The following SPAG6 variants were observed in gnomAD, a reference collection of about 807,000 sequenced individuals.
SPAG6 encodes sperm-associated antigen 6.
In SPAG6, 49 loss-of-function variants were observed where a neutral mutation model predicts 58.5. The ratio of observed to expected loss-of-function variants is 0.84; its 90% CI spans 0.67 to 1.06. The LOEUF (loss-of-function observed/expected upper bound fraction) is 1.06, where lower values mean the gene tolerates loss of function less well. Ranked by LOEUF, SPAG6 falls within the 50% of genes least tolerant of loss-of-function variation. SPAG6 has a pLI of 0.00. For synonymous variants in SPAG6, 233 were observed against 225.6 expected (o/e 1.03, Z -0.29); for missense variants, 560 against 611.3 (o/e 0.92, Z 0.89).
At chr10:22,374,409 C>T (rs896816728) in intron 4 of SPAG6, among the ~76,000 whole-genome samples, 4 of 151,982 alleles carry the variant, frequency 2.6e-5, no homozygotes, top group Non-Finnish European at 2.9e-5. Context: ...AACACTGACA[C>T]AATGTACAAT....
chr10:22,382,980 G>C (rs1047257802), intron 4 of SPAG6, among the ~76,000 whole-genome samples: 1 of 152,132 alleles, frequency 6.6e-6, no homozygotes, highest in East Asian at 1.9e-4. Context: ...TTAGACATAG[G>C]TATAACCAGT....
At chr10:22,384,142 T>C (rs768804302) in intron 4 of SPAG6, among the ~76,000 whole-genome samples, 7 of 152,206 alleles carry the variant, frequency 4.6e-5, no homozygotes, top group Admixed American at 1.3e-4. Context: ...TACTCAGCCA[T>C]CCTCAGCATA....
intron 4 of SPAG6, among the ~76,000 whole-genome samples, chr10:22,375,629 A>G (rs1041569862): frequency 5.8e-5 from 8 of 137,400 alleles, no homozygotes; most frequent in Admixed American, 5.6e-4. Flanking sequence ...CTCGTTGCCC[A>G]TGTTGGAGTG....
intron 4 of SPAG6, among the ~76,000 whole-genome samples, chr10:22,369,783 A>G (rs1057186331): frequency 2.0e-5 from 3 of 152,238 alleles, no homozygotes; most frequent in Admixed American, 1.3e-4. Context: ...GTAACATATT[A>G]GTATTAATAA....
At chr10:22,390,681 T>G (rs1834165066) in intron 7 of SPAG6, among the ~76,000 whole-genome samples, 1 of 152,212 alleles carries the variant, frequency 6.6e-6, no homozygotes, top group African/African-American at 2.4e-5. Flanking sequence ...CTCCTGTTTC[T>G]TCAGTCTTGT....
intron 2 of SPAG6, among the ~76,000 whole-genome samples, chr10:22,353,017 C>T (rs1181431708): frequency 2.6e-5 from 4 of 152,190 alleles, no homozygotes; most frequent in African/African-American, 9.7e-5. Context: ...ATCAGTTCTC[C>T]TTCCCACTAC....
intron 8 of SPAG6, among the ~76,000 whole-genome samples, chr10:22,398,914 G>T (rs1834352326): frequency 6.6e-6 from 1 of 152,074 alleles, no homozygotes; most frequent in African/African-American, 2.4e-5. Flanking sequence ...CGCCTCCTGG[G>T]TTCAAGCGAT....
At chr10:22,373,225 G>A (rs943955492) in intron 4 of SPAG6, among the ~76,000 whole-genome samples, 28 of 152,112 alleles carry the variant, frequency 1.8e-4, no homozygotes, top group African/African-American at 5.8e-4. Flanking sequence ...TGGACGTGAC[G>A]GAAACATTGA....
rs1156609092 is a variant in SPAG6, at chr10:22,345,498, A to T, written c.-114A>T. 1 of 880,516 alleles carries T rather than the reference A, an allele frequency of 1.1e-6. No individual in the cohort carries two copies. The highest frequency in any genetic ancestry group is 1.7e-5 in the African/African-American group (1 of 57,564). The allele number at this position is 880,516 out of a possible 1,614,324, so 54.5% of individuals were successfully genotyped here. On this transcript the variant is annotated 5_prime_UTR_variant, in exon 1 of 11. Coordinates refer to ENST00000376624, the MANE Select transcript of SPAG6 (RefSeq NM_012443.4). This position sits in a 1 kb window ranked among gnomAD's most constrained non-coding sequence, Gnocchi z 6.3. ...TTGCCCGGGAGACGCGGGTACACAG[A>T]GAAGCGGCTCCCGTCGGAGGCCGAG...
chr10:22,410,681 A>G (rs1834709502), intron 9 of SPAG6, among the ~76,000 whole-genome samples: 2 of 152,196 alleles, frequency 1.3e-5, no homozygotes, highest in Non-Finnish European at 2.9e-5. Context: ...AGAGGTATTT[A>G]GGAGCTGGGT....
intron 6 of SPAG6, among the ~76,000 whole-genome samples, chr10:22,388,790 T>G (rs913305561): frequency 2.6e-5 from 4 of 152,210 alleles, no homozygotes; most frequent in African/African-American, 9.7e-5. Flanking sequence ...GACATTGTCT[T>G]TCACCATTCA....
chr10:22,355,864 T>G (rs1836850907), intron 2 of SPAG6, among the ~76,000 whole-genome samples: 1 of 152,290 alleles, frequency 6.6e-6, no homozygotes, highest in South Asian at 2.1e-4. Flanking sequence ...CAAATAATTT[T>G]AAATAAAAAA....
chr10:22,364,958 C>A lies in SPAG6; in HGVS notation c.227C>A (p.Ala76Glu), dbSNP rs61731100. The A allele has an allele frequency of 3.7e-6, 6 of 1,613,048 alleles. No individual in the cohort carries two copies. The African/African-American group carries it at 6.7e-5, about 18-fold the overall frequency. The change falls in exon 3 of 11, where the codon GCA becomes GAA. Residue 76 changes from alanine to glutamate, a missense_variant. By Grantham distance (107) the Ala-to-Glu change is moderately radical. Transcript: ENST00000376624. ...GRLANYNDDL[A>E]EAVVKCDILP... ...CTGGCCAATTATAATGATGACCTAG[C>A]AGAAGCTGTTGTGAAGTGCGACATT...
intron 2 of SPAG6, among the ~76,000 whole-genome samples, chr10:22,357,328 C>T (rs1836896394): frequency 6.6e-6 from 1 of 151,758 alleles, no homozygotes; most frequent in Non-Finnish European, 1.5e-5. Flanking sequence ...CTGTCACAAC[C>T]CGTTTAGAAG....
chr10:22,361,028 T>A (rs1393547946), intron 2 of SPAG6: 1 of 540,474 alleles, frequency 1.9e-6, no homozygotes, highest in East Asian at 2.9e-5. Flanking sequence ...AAAACATGTC[T>A]CTTTAGAGGA....
chr10:22,361,768 A>ATTT (rs1837046684), intron 2 of SPAG6, among the ~76,000 whole-genome samples: 1 of 152,056 alleles, frequency 6.6e-6, no homozygotes, highest in African/African-American at 2.4e-5. Context: ...CTTCTAAATT[A>ATTT]TAAACTAAAA....
chr10:22,410,474 A>T (rs539963888), intron 9 of SPAG6, among the ~76,000 whole-genome samples: 1 of 152,286 alleles, frequency 6.6e-6, no homozygotes, highest in Non-Finnish European at 1.5e-5. Context: ...CCAGAGAAGG[A>T]TTCTTAAAGG....
At chr10:22,415,242 G>T (rs1185201049) in intron 10 of SPAG6, among the ~76,000 whole-genome samples, 3 of 150,148 alleles carry the variant, frequency 2.0e-5, no homozygotes, top group African/African-American at 7.3e-5. Flanking sequence ...ATATTAATAT[G>T]TTAATATGGT....
chr10:22,374,650 C>T (rs1398462278), intron 4 of SPAG6, among the ~76,000 whole-genome samples: 1 of 150,252 alleles, frequency 6.7e-6, no homozygotes, highest in East Asian at 1.9e-4. Flanking sequence ...GTGGTGTGCA[C>T]CTGTGGTCTC....
Sources: allele counts gnomAD v4.1 joint callset (sites outside exome capture counted in the v4.1 genomes callset), GRCh38; gene constraint gnomAD v4.1.1; non-coding constraint Gnocchi (gnomAD v3.1); transcripts MANE v1.5; gene names NCBI Gene and HGNC (gene_info 2026-07-23, HGNC 2026-07-21).